Variants in TMEM51 observed in about 807,000 individuals in gnomAD.
TMEM51 encodes chromosome 1 open reading frame 72.
TMEM51 carries 8 observed loss-of-function variants against 13.6 expected under a neutral mutation model. The ratio of observed to expected loss-of-function variants is 0.59; its 90% CI spans 0.35 to 1.07. TMEM51 has a LOEUF of 1.07. Ranked by LOEUF, TMEM51 falls within the 50% of genes least tolerant of loss-of-function variation. The pLI is 0.02. For missense variants in TMEM51, 279 were observed against 330.7 expected (o/e 0.84, Z 1.21); for synonymous variants, 147 against 144.4 (o/e 1.02, Z -0.13).
At chr1:15,199,236 A>C (rs1399859351) in intron 1 of TMEM51, among the ~76,000 whole-genome samples, 1 of 151,344 alleles carries the variant, frequency 6.6e-6, no homozygotes, top group African/African-American at 2.4e-5. Flanking sequence ...GGGTTCAAGC[A>C]ATTCTCCTGC....
At chr1:15,209,582 G>A (rs1644304253) in intron 1 of TMEM51, among the ~76,000 whole-genome samples, 2 of 152,126 alleles carry the variant, frequency 1.3e-5, no homozygotes, top group South Asian at 4.2e-4. Flanking sequence ...CCTCACTGGT[G>A]CACACAGCTG....
chr1:15,192,493 C>T (rs1243626657), intron 1 of TMEM51: 5 of 161,226 alleles, frequency 3.1e-5, no homozygotes, highest in Admixed American at 2.1e-4. Context: ...TGCTCTGCTG[C>T]CCAGGCTGGA....
intron 1 of TMEM51, chr1:15,171,191 G>A: frequency 2.3e-6 from 3 of 1,303,656 alleles, no homozygotes; most frequent in East Asian, 5.6e-5. Flanking sequence ...CAGCTCCTGG[G>A]TGACGCTGAT....
At chr1:15,213,248 AAAG>A (rs1557858608) in intron 2 of TMEM51, among the ~76,000 whole-genome samples, 1 of 152,232 alleles carries the variant, frequency 6.6e-6, no homozygotes, top group Non-Finnish European at 1.5e-5. Flanking sequence ...TGGGTGAAAA[AAAG>A]AAGGAACAGA....
In TMEM51 at chr1:15,215,346, GATA is replaced by G. The variant is rs1490362475; in HGVS notation, c.261_263del (p.Asp87_Lys88delinsGlu). 1.2e-6 allele frequency: 2 copies of G among 1,613,798 alleles called. No individual in the cohort carries two copies. The highest frequency in any genetic ancestry group is 8.5e-7 in the Non-Finnish European group (1 of 1,180,052). On this transcript the variant is annotated inframe_deletion, in exon 3 of 4. Coordinates refer to ENST00000376008, the MANE Select transcript of TMEM51 (RefSeq NM_001136218.2). Reference sequence around the variant, plus strand: ...GCTTTCTATCTGCCTGAGTATCAGGGATAAGAGGAAGCAGCGGCAGGGCGAGGA... The same window carrying G: ...GCTTTCTATCTGCCTGAGTATCAGGGAGAGGAAGCAGCGGCAGGGCGAGGA...
Position 15,219,884 on chromosome 1 carries a change from G to GA in TMEM51, c.*142dup, listed in dbSNP as rs1644491263. Reference sequence around the variant, plus strand: ...ATTTGGATGGCGGCGGGCGGGGGGGGATTCTCTGTATCAGGAGTGACTTTG... The same window carrying GA: ...ATTTGGATGGCGGCGGGCGGGGGGGGAATTCTCTGTATCAGGAGTGACTTTG... On this transcript the variant is annotated 3_prime_UTR_variant, in exon 4 of 4. Transcript: ENST00000376008. The GA allele has an allele frequency of 1.1e-6, 1 of 918,990 alleles. No individual in the cohort carries two copies. Among genetic ancestry groups the GA allele is most frequent in the Non-Finnish European group, 1.6e-6 (1 of 625,962 alleles). 56.9% of individuals were successfully genotyped at this position (918,990 alleles called of 1,614,324 possible).
At chr1:15,203,843 AG>A (rs1462202554) in intron 1 of TMEM51, among the ~76,000 whole-genome samples, 1 of 152,182 alleles carries the variant, frequency 6.6e-6, no homozygotes, top group African/African-American at 2.4e-5. Context: ...CAGATGACAG[AG>A]CTGAGACTGA....
intron 1 of TMEM51, chr1:15,171,268 G>A: frequency 7.7e-7 from 1 of 1,304,252 alleles, no homozygotes; most frequent in Non-Finnish European, 1.0e-6. Context: ...GGTCAGAGTG[G>A]ATGACGGCAT....
At chr1:15,184,517 G>C (rs1040333664) in intron 1 of TMEM51, among the ~76,000 whole-genome samples, 2 of 152,150 alleles carry the variant, frequency 1.3e-5, no homozygotes, top group African/African-American at 4.8e-5. Context: ...ATGACTGAAG[G>C]ATGCTTCTAG....
intron 1 of TMEM51, among the ~76,000 whole-genome samples, chr1:15,172,969 C>T (rs997601868): frequency 2.0e-5 from 3 of 152,162 alleles, no homozygotes; most frequent in Admixed American, 1.3e-4. Flanking sequence ...CAGGCATCCA[C>T]TGGGGGTCTT....
intron 2 of TMEM51, among the ~76,000 whole-genome samples, chr1:15,210,991 C>T (rs2100345014): frequency 6.6e-6 from 1 of 152,266 alleles, no homozygotes; most frequent in Non-Finnish European, 1.5e-5. Context: ...GCCACCGTTG[C>T]ACACATAACC....
chr1:15,154,309 G>T (rs1642511735), intron 1 of TMEM51, among the ~76,000 whole-genome samples: 1 of 152,264 alleles, frequency 6.6e-6, no homozygotes, highest in South Asian at 2.1e-4. Flanking sequence ...GCGTGGTTAG[G>T]AGCAGAACTT....
At chr1:15,164,575 C>A (rs1012854749) in intron 1 of TMEM51, 1 of 427,478 alleles carries the variant, frequency 2.3e-6, no homozygotes, top group Non-Finnish European at 4.8e-6. Flanking sequence ...GTGTCTGCCA[C>A]ATTTCTCCAC....
intron 1 of TMEM51, among the ~76,000 whole-genome samples, chr1:15,185,402 G>T (rs1643744413): frequency 1.3e-5 from 2 of 152,214 alleles, no homozygotes; most frequent in African/African-American, 4.8e-5. Context: ...GAATTTCAGT[G>T]CAGGAAGAAA....
chr1:15,155,344 C>T (rs1039612592), intron 1 of TMEM51, among the ~76,000 whole-genome samples: 5 of 152,150 alleles, frequency 3.3e-5, no homozygotes, highest in African/African-American at 7.2e-5. Flanking sequence ...GCAGAATTGG[C>T]GATACAGTCA....
intron 1 of TMEM51, among the ~76,000 whole-genome samples, chr1:15,155,064 C>T (rs1352164374): frequency 1.3e-5 from 2 of 152,200 alleles, no homozygotes; most frequent in African/African-American, 2.4e-5. Flanking sequence ...CTTTCACACC[C>T]CGGAAACCTG....
intron 1 of TMEM51, among the ~76,000 whole-genome samples, chr1:15,155,506 G>C (rs992989350): frequency 1.3e-5 from 2 of 152,238 alleles, no homozygotes; most frequent in African/African-American, 4.8e-5. Context: ...GGGCTTAGAC[G>C]AGAACAGAAG....
chr1:15,174,114 C>T (rs543911185), intron 1 of TMEM51, among the ~76,000 whole-genome samples: 8 of 152,266 alleles, frequency 5.3e-5, no homozygotes, highest in African/African-American at 1.9e-4. Flanking sequence ...GAAATCAGGG[C>T]GGGAACTTCG....
intron 2 of TMEM51, among the ~76,000 whole-genome samples, chr1:15,212,950 T>C (rs114402489): frequency 6.2e-4 from 94 of 152,356 alleles, no homozygotes; most frequent in Non-Finnish European, 1.1e-3. Flanking sequence ...AGCCAGTGCG[T>C]TCACGCACGT....
Sources: gnomAD v4.1 joint callset for allele counts (sites outside exome capture counted in the v4.1 genomes callset) on GRCh38, gnomAD v4.1.1 for gene constraint, MANE v1.5 for transcripts, NCBI Gene and HGNC (gene_info 2026-07-23, HGNC 2026-07-21) for gene names.